The following CNTNAP2 variants were observed in gnomAD, a reference collection of about 807,000 sequenced individuals.
The protein encoded by CNTNAP2 is contactin-associated protein-like 2.
Under a neutral mutation model 155.2 loss-of-function variants are expected in CNTNAP2, and 98 were observed. That is an observed-to-expected ratio of 0.63 (90% CI 0.54 to 0.75). The LOEUF (loss-of-function observed/expected upper bound fraction) is 0.75. Among genes scored for constraint, CNTNAP2 ranks in the 30% least tolerant of loss-of-function variants. The probability of loss-of-function intolerance (pLI) is 0.00; values close to 1 mark genes in which losing one functional copy is unlikely to be tolerated. For missense variants in CNTNAP2, 1,727 were observed against 1,688.1 expected, an observed-to-expected ratio of 1.02 and a Z score of -0.40; for synonymous variants, 651 against 631.2, an observed-to-expected ratio of 1.03 and a Z score of -0.47.
intron 22 of CNTNAP2, among the ~76,000 whole-genome samples, chr7:148,407,824 T>G (rs1333719641): frequency 6.6e-6 from 1 of 151,844 alleles, no homozygotes; most frequent in African/African-American, 2.4e-5. Flanking sequence ...TACCCAAGAG[T>G]TAAGTTCACT....
At chr7:147,094,410 T>TC (rs1268802525) in intron 4 of CNTNAP2, among the ~76,000 whole-genome samples, 1 of 149,826 alleles carries the variant, frequency 6.7e-6, no homozygotes, top group Non-Finnish European at 1.5e-5. Context: ...TTTTTTTTTT[T>TC]TTTTTCTTTT....
At chr7:146,303,311 A>G (rs1271300402) in intron 1 of CNTNAP2, among the ~76,000 whole-genome samples, 1 of 152,142 alleles carries the variant, frequency 6.6e-6, no homozygotes, top group South Asian at 2.1e-4. Context: ...CATTTGCCTC[A>G]ATTATAAGCA....
At chr7:146,643,114 G>A (rs1233441815) in intron 1 of CNTNAP2, among the ~76,000 whole-genome samples, 2 of 148,614 alleles carry the variant, frequency 1.3e-5, no homozygotes, top group African/African-American at 2.5e-5. Flanking sequence ...TAGGTTGCCT[G>A]TTCACTCTGA....
At chr7:148,160,048 G>A (rs1411257934) in intron 17 of CNTNAP2, among the ~76,000 whole-genome samples, 3 of 152,072 alleles carry the variant, frequency 2.0e-5, no homozygotes, top group Admixed American at 6.6e-5. Context: ...GGACCAGCCC[G>A]GGCAACATGG....
chr7:148,220,408 A>G (rs1191940831), intron 19 of CNTNAP2, among the ~76,000 whole-genome samples: 1 of 152,220 alleles, frequency 6.6e-6, no homozygotes, highest in Non-Finnish European at 1.5e-5. Flanking sequence ...GGCCAACATC[A>G]TAATGTTAAC....
chr7:147,001,743 C>T (rs1798427512), intron 3 of CNTNAP2, among the ~76,000 whole-genome samples: 1 of 151,424 alleles, frequency 6.6e-6, no homozygotes, highest in Admixed American at 6.6e-5. Flanking sequence ...TCCAGGTTCC[C>T]CTGTAACAAA....
intron 1 of CNTNAP2, among the ~76,000 whole-genome samples, chr7:146,170,985 C>T (rs1798381414): frequency 6.6e-6 from 1 of 152,072 alleles, no homozygotes; most frequent in South Asian, 2.1e-4. Context: ...CGAGATTGCG[C>T]CATTGCACAC....
At chr7:146,861,902 C>T (rs1795109359) in intron 3 of CNTNAP2, among the ~76,000 whole-genome samples, 1 of 152,154 alleles carries the variant, frequency 6.6e-6, no homozygotes, top group Non-Finnish European at 1.5e-5. Flanking sequence ...ACCTTGGCAA[C>T]TCAATTAACC....
At chr7:146,685,192 A>T (rs73166385) in intron 1 of CNTNAP2, among the ~76,000 whole-genome samples, 4,313 of 152,256 alleles carry the variant, frequency 0.028, 88 homozygotes, top group East Asian at 0.11. Context: ...TAAAAGAATG[A>T]CAACCTTTTA....
intron 20 of CNTNAP2, among the ~76,000 whole-genome samples, chr7:148,255,171 A>T (rs1796436131): frequency 6.6e-6 from 1 of 152,188 alleles, no homozygotes; most frequent in Non-Finnish European, 1.5e-5. Context: ...TTACTAGAAG[A>T]CTAGTTCAGA....
chr7:147,892,025 G>A (rs752103651), intron 13 of CNTNAP2, among the ~76,000 whole-genome samples: 1 of 151,858 alleles, frequency 6.6e-6, no homozygotes, highest in Non-Finnish European at 1.5e-5. Context: ...ACGCTAAAAG[G>A]AGAAAAAACT....
At chr7:146,590,060 A>G (rs1283136140) in intron 1 of CNTNAP2, among the ~76,000 whole-genome samples, 1 of 152,224 alleles carries the variant, frequency 6.6e-6, no homozygotes, top group Non-Finnish European at 1.5e-5. Flanking sequence ...CCAGGAGGAA[A>G]GAAGAACAGG....
chr7:148,305,183 A>G (rs1245699860), intron 21 of CNTNAP2, among the ~76,000 whole-genome samples: 1 of 144,422 alleles, frequency 6.9e-6, no homozygotes, highest in African/African-American at 2.6e-5. Flanking sequence ...TGATAGCAAC[A>G]CTGCACTCCA....
At chr7:147,328,502 G>C (rs1340874848) in intron 9 of CNTNAP2, among the ~76,000 whole-genome samples, 1 of 152,162 alleles carries the variant, frequency 6.6e-6, no homozygotes, top group Non-Finnish European at 1.5e-5. Context: ...TGGGACGACT[G>C]AATCGACTAT....
intron 1 of CNTNAP2, among the ~76,000 whole-genome samples, chr7:146,612,837 G>C (rs1280484509): frequency 6.6e-6 from 1 of 151,232 alleles, no homozygotes; most frequent in East Asian, 1.9e-4. Flanking sequence ...TTGTGATGTT[G>C]CTCCATCAGC....
At chr7:147,321,680 T>G (rs1563159886) in intron 9 of CNTNAP2, among the ~76,000 whole-genome samples, 1 of 152,168 alleles carries the variant, frequency 6.6e-6, no homozygotes, top group South Asian at 2.1e-4. Flanking sequence ...TCTCTTAACA[T>G]GGAAAGTCTC....
intron 12 of CNTNAP2, among the ~76,000 whole-genome samples, chr7:147,623,477 C>CA (rs937820434): frequency 4.0e-5 from 6 of 151,668 alleles, no homozygotes; most frequent in South Asian, 4.2e-4. Flanking sequence ...CAATCTGAAA[C>CA]AAAAAAATCA....
intron 1 of CNTNAP2, among the ~76,000 whole-genome samples, chr7:146,748,926 A>T (rs1801857406): frequency 6.6e-6 from 1 of 152,166 alleles, no homozygotes; most frequent in Admixed American, 6.5e-5. Context: ...CTGCAATTCA[A>T]CCATTTGACT....
intron 20 of CNTNAP2, among the ~76,000 whole-genome samples, chr7:148,230,014 A>G (rs764204274): frequency 1.3e-5 from 2 of 152,198 alleles, no homozygotes; most frequent in African/African-American, 2.4e-5. Context: ...TTTATTCCGT[A>G]TAGTCTTTCT....
Sources: allele counts gnomAD v4.1 joint callset (sites outside exome capture counted in the v4.1 genomes callset), GRCh38; gene constraint gnomAD v4.1.1; transcripts MANE v1.5; gene names NCBI Gene and HGNC (gene_info 2026-07-23, HGNC 2026-07-21).